GSTA5: variants seen among roughly 807,000 people sequenced by gnomAD.
GSTA5 encodes glutathione S-transferase alpha 5, also known as glutathione S-transferase A5.
GSTA5 carries 25 observed loss-of-function variants against 21.8 expected under a neutral mutation model. The ratio of observed to expected loss-of-function variants is 1.14; its 90% CI spans 0.83 to 1.60. The LOEUF (loss-of-function observed/expected upper bound fraction) is 1.60. Among genes scored for constraint, GSTA5 ranks in the 40% most tolerant of loss-of-function variants. GSTA5 has a pLI of 0.00. For missense variants in GSTA5, 330 were observed against 259.2 expected, an observed-to-expected ratio of 1.27 and a Z score of -1.88; for synonymous variants, 102 against 89.5, an observed-to-expected ratio of 1.14 and a Z score of -0.78.
chr6:52,838,223 T>C (rs997977948), intron 1 of GSTA5, among the ~76,000 whole-genome samples: 4 of 152,228 alleles, frequency 2.6e-5, no homozygotes, highest in African/African-American at 7.2e-5. Context: ...ACATTATTTT[T>C]CATGAAAACC....
chr6:52,842,307 C>A (rs553732737), upstream of GSTA5, among the ~76,000 whole-genome samples: 1 of 152,272 alleles, frequency 6.6e-6, no homozygotes, highest in South Asian at 2.1e-4. Flanking sequence ...CTCTCCAAAC[C>A]CCCAGCTCTG....
At chr6:52,844,426 CT>C (rs1262821649), upstream of GSTA5, among the ~76,000 whole-genome samples, 1 of 152,184 alleles carries the variant, frequency 6.6e-6, no homozygotes, top group Non-Finnish European at 1.5e-5. Flanking sequence ...TCTTTCTCTA[CT>C]TTGACAACCT....
At chr6:52,845,997 T>C in the GSTA5 span, 1 of 155,442 alleles carries the variant, frequency 6.4e-6, no homozygotes, top group South Asian at 2.1e-4. Flanking sequence ...TAGCATATTT[T>C]TCTGGGAGGC....
intron 4 of GSTA5, 44 bp downstream of exon 4, chr6:52,834,097 G>A (rs190142368): frequency 5.6e-6 from 9 of 1,610,970 alleles, no homozygotes; most frequent in Admixed American, 1.7e-5. Flanking sequence ...TTTTCTACTG[G>A]TGTCTAAACT....
At chr6:52,831,764 C>A in exon 6 of GSTA5, 3 of 1,505,196 alleles carry the variant, frequency 2.0e-6, no homozygotes, top group Non-Finnish European at 2.7e-6. Flanking sequence ...ACAAGAGGCA[C>A]AATCCACACT....
chr6:52,841,847 A>G (rs1764381097), upstream of GSTA5, among the ~76,000 whole-genome samples: 1 of 152,238 alleles, frequency 6.6e-6, no homozygotes, highest in African/African-American at 2.4e-5. Flanking sequence ...GCTATTAAAA[A>G]CTAAAGACTG....
At chr6:52,832,008 G>A (rs1561925195) in intron 5 of GSTA5, 38 bp from the exon 6 acceptor site, 4 of 1,584,084 alleles carry the variant, frequency 2.5e-6, no homozygotes, top group Non-Finnish European at 3.4e-6. Context: ...GTGAAGCCAA[G>A]GCCGGCCACC....
At chr6:52,839,513 C>G (rs1389307679) in intron 1 of GSTA5, among the ~76,000 whole-genome samples, 1 of 152,200 alleles carries the variant, frequency 6.6e-6, no homozygotes, top group Non-Finnish European at 1.5e-5. Context: ...AGTCCCAAGC[C>G]TTCGTGAAGC....
At chr6:52,834,592 G>A (rs1764267609) in intron 3 of GSTA5, among the ~76,000 whole-genome samples, 1 of 152,100 alleles carries the variant, frequency 6.6e-6, no homozygotes, top group Admixed American at 6.6e-5. Context: ...AGAAATTGGT[G>A]GAATCACTGC....
upstream of GSTA5, chr6:52,840,872 A>G (rs1245656334): frequency 6.8e-7 from 1 of 1,462,942 alleles, no homozygotes; most frequent in African/African-American, 1.4e-5. Context: ...AATTGAAACG[A>G]TAGAATCAAA....
At chr6:52,842,120 T>C (rs1764384535), upstream of GSTA5, among the ~76,000 whole-genome samples, 1 of 152,212 alleles carries the variant, frequency 6.6e-6, no homozygotes, top group Admixed American at 6.5e-5. Flanking sequence ...TGAAGTTTGA[T>C]AGCCCTTGCT....
At chr6:52,834,191 C>A in exon 4 of GSTA5, 2 of 1,614,154 alleles carry the variant, frequency 1.2e-6, no homozygotes, top group Non-Finnish European at 1.7e-6. Context: ...TTGACCAAGG[C>A]AGTCTTGGCA....
intron 1 of GSTA5, among the ~76,000 whole-genome samples, chr6:52,840,415 G>A (rs773737356): frequency 2.6e-5 from 4 of 152,118 alleles, no homozygotes; most frequent in Non-Finnish European, 5.9e-5. Context: ...ATTATTTCAT[G>A]TCATCAAATA....
chr6:52,836,357 G>C (rs764319574), exon 3 of GSTA5: 7 of 1,613,118 alleles, frequency 4.3e-6, no homozygotes, highest in Middle Eastern at 1.6e-4. Flanking sequence ...TGCTGGAACA[G>C]CAAACTCCCA....
intron 1 of GSTA5, among the ~76,000 whole-genome samples, chr6:52,839,100 A>G (rs967022325): frequency 6.6e-6 from 1 of 151,942 alleles, no homozygotes; most frequent in Non-Finnish European, 1.5e-5. Context: ...TTAATAAGGC[A>G]TCCAGTTCAG....
At chr6:52,834,525 T>C (rs1208286554) in intron 3 of GSTA5, among the ~76,000 whole-genome samples, 1 of 152,128 alleles carries the variant, frequency 6.6e-6, no homozygotes, top group East Asian at 1.9e-4. Context: ...ATCTCAAAAT[T>C]TTGTTACACA....
At chr6:52,834,627 G>T (rs1466079069) in intron 3 of GSTA5, among the ~76,000 whole-genome samples, 2 of 152,180 alleles carry the variant, frequency 1.3e-5, no homozygotes, top group Admixed American at 1.3e-4. Flanking sequence ...GCTGTGCCAG[G>T]ATTTATCATC....
At chr6:52,837,510 A>C in intron 2 of GSTA5, 48 bp downstream of exon 2, 1 of 1,247,340 alleles carries the variant, frequency 8.0e-7, no homozygotes, top group Non-Finnish European at 1.2e-6. Flanking sequence ...GTTCCTCTGT[A>C]CCTTCTACTA....
At chr6:52,839,618 C>T (rs376127488) in intron 1 of GSTA5, among the ~76,000 whole-genome samples, 20 of 152,298 alleles carry the variant, frequency 1.3e-4, no homozygotes, top group Middle Eastern at 6.8e-3. Flanking sequence ...GCCACCTCAC[C>T]TGAAACCCCC....
Sources: gnomAD v4.1 joint callset for allele counts (sites outside exome capture counted in the v4.1 genomes callset) on GRCh38, gnomAD v4.1.1 for gene constraint, MANE v1.5 for transcripts, NCBI Gene and HGNC (gene_info 2026-07-23, HGNC 2026-07-21) for gene names.